Variants in CCDC192 observed in about 807,000 individuals in gnomAD.
The protein encoded by CCDC192 is coiled-coil domain containing 192, also known as coiled-coil domain-containing protein 192.
chr5:127,786,959 G>T, intron 3 of CCDC192: 1 of 389,542 alleles, frequency 2.6e-6, no homozygotes, highest in Non-Finnish European at 5.0e-6. Flanking sequence ...ACACCTGCTG[G>T]ATGGTGGCTC....
intron 6 of CCDC192, among the ~76,000 whole-genome samples, chr5:127,891,208 G>A (rs1752721657): frequency 2.8e-5 from 4 of 144,450 alleles, no homozygotes; most frequent in Admixed American, 1.4e-4. Context: ...GCCTGCCACC[G>A]CTCCTGGCTA....
chr5:127,734,217 A>G (rs1042718073), intron 2 of CCDC192, among the ~76,000 whole-genome samples: 3 of 151,294 alleles, frequency 2.0e-5, no homozygotes, highest in African/African-American at 7.3e-5. Context: ...GAGAATGATG[A>G]TTTCCAATTT....
chr5:127,752,869 C>G (rs1350390376), intron 2 of CCDC192, among the ~76,000 whole-genome samples: 1 of 152,126 alleles, frequency 6.6e-6, no homozygotes, highest in Non-Finnish European at 1.5e-5. Flanking sequence ...GGGAGTGACC[C>G]GATTTTCCAG....
At chr5:127,798,362 A>G (rs1757291873) in intron 5 of CCDC192, among the ~76,000 whole-genome samples, 200 bp downstream of exon 5, 1 of 152,148 alleles carries the variant, frequency 6.6e-6, no homozygotes, top group Non-Finnish European at 1.5e-5. Flanking sequence ...CAAAATTCCA[A>G]ACTGAGCTCT....
chr5:127,937,696 G>C (rs952976934), intron 6 of CCDC192, among the ~76,000 whole-genome samples: 3 of 152,192 alleles, frequency 2.0e-5, no homozygotes, highest in Non-Finnish European at 4.4e-5. Flanking sequence ...CCTTCTCCCT[G>C]TAATACTCTC....
intron 5 of CCDC192, among the ~76,000 whole-genome samples, chr5:127,870,557 T>A (rs1000321801): frequency 1.3e-5 from 2 of 152,220 alleles, no homozygotes; most frequent in African/African-American, 4.8e-5. Flanking sequence ...CCAGCTGAAC[T>A]CTGGCAGCTC....
intron 5 of CCDC192, among the ~76,000 whole-genome samples, chr5:127,858,923 C>T (rs1270130679): frequency 7.4e-6 from 1 of 134,880 alleles, no homozygotes; most frequent in African/African-American, 2.7e-5. Flanking sequence ...TTATTTGACA[C>T]TTTTGTGTGC....
chr5:127,904,983 C>A (rs1753157023), intron 6 of CCDC192, among the ~76,000 whole-genome samples: 1 of 151,898 alleles, frequency 6.6e-6, no homozygotes, highest in African/African-American at 2.4e-5. Flanking sequence ...TTGTTCTTTC[C>A]CCACCTGGGC....
chr5:127,842,977 GT>G lies in CCDC192; in HGVS notation c.412-32560del, dbSNP rs1289631453. ...TTGGAGTTTCATGGCATCTGTGATAGTGTACACTTTCTGCTTCATCACCTTA... is the reference window on the plus strand; with the variant it reads ...TTGGAGTTTCATGGCATCTGTGATAGGTACACTTTCTGCTTCATCACCTTA... On this transcript the variant is annotated intron_variant, in intron 5 of 6. Coordinates refer to ENST00000514853, the MANE Select transcript of CCDC192 (RefSeq NM_001317938.2). Among the ~76,000 whole-genome samples, 10 of 151,058 alleles carry G rather than the reference GT, an allele frequency of 6.6e-5. 1 individual carries two copies. The highest frequency in any genetic ancestry group is 6.6e-4 in the Admixed American group (10 of 15,186).
At chr5:127,709,611 T>C (rs1014573757) in intron 2 of CCDC192, among the ~76,000 whole-genome samples, 4 of 152,224 alleles carry the variant, frequency 2.6e-5, no homozygotes, top group Non-Finnish European at 4.4e-5. Flanking sequence ...AAATTTATAA[T>C]AATTTTCAGA....
chr5:127,880,579 G>A (rs1752311041), intron 6 of CCDC192, among the ~76,000 whole-genome samples: 1 of 150,998 alleles, frequency 6.6e-6, no homozygotes, highest in South Asian at 2.1e-4. Flanking sequence ...ATGTGCACAT[G>A]TACCCTAAAA....
At chr5:127,868,177 C>T (rs907033901) in intron 5 of CCDC192, among the ~76,000 whole-genome samples, 15 of 151,916 alleles carry the variant, frequency 9.9e-5, no homozygotes, top group African/African-American at 2.9e-4. Flanking sequence ...CAAAAAGTCC[C>T]GCTACTTCTG....
intron 6 of CCDC192, among the ~76,000 whole-genome samples, chr5:127,904,130 C>T (rs953866338): frequency 1.3e-5 from 2 of 152,108 alleles, no homozygotes; most frequent in African/African-American, 4.8e-5. Flanking sequence ...CAGAGAGATG[C>T]AGCATTACTG....
At chr5:127,894,569 T>TCC (rs1752827431) in intron 6 of CCDC192, among the ~76,000 whole-genome samples, 7 of 152,160 alleles carry the variant, frequency 4.6e-5, no homozygotes, top group Admixed American at 4.6e-4. Context: ...ACAATGTAAG[T>TCC]TTCCACAGCT....
At chr5:127,721,993 A>G (rs1214793977) in intron 2 of CCDC192, among the ~76,000 whole-genome samples, 3 of 152,194 alleles carry the variant, frequency 2.0e-5, no homozygotes, top group Non-Finnish European at 2.9e-5. Flanking sequence ...TTACAATTCA[A>G]CATGAGATTT....
intron 3 of CCDC192, among the ~76,000 whole-genome samples, chr5:127,796,543 A>G (rs1757176825): frequency 6.6e-6 from 1 of 152,204 alleles, no homozygotes; most frequent in Non-Finnish European, 1.5e-5. Context: ...AGTCAAACAA[A>G]AACAAAGTCA....
Position 127,872,629 on chromosome 5 carries a change from A to G in CCDC192, c.412-2909A>G, listed in dbSNP as rs567862773. On this transcript the variant is annotated intron_variant, in intron 5 of 6. Coordinates refer to ENST00000514853, the MANE Select transcript of CCDC192 (RefSeq NM_001317938.2). ...TTTCCCAGAGCAGGAGGTCTTTGCC[A>G]GGATGCATCCTATCCTGTTCTGGAT... is the stretch of plus-strand genomic sequence containing the variant. Among the ~76,000 whole-genome samples the G allele has an allele frequency of 9.2e-5, 14 of 152,318 alleles. No individual in the cohort carries two copies. In the South Asian group the frequency reaches 2.9e-3, roughly 32 times the overall value.
At chr5:127,878,668 G>A (rs552417239) in intron 6 of CCDC192, among the ~76,000 whole-genome samples, 568 of 152,260 alleles carry the variant, frequency 3.7e-3, no homozygotes, top group Non-Finnish European at 6.0e-3. Context: ...AAAATAAAAT[G>A]AAATTGCCTT....
chr5:127,823,490 A>G (rs1456044757), intron 5 of CCDC192, among the ~76,000 whole-genome samples: 1 of 152,172 alleles, frequency 6.6e-6, no homozygotes, highest in Non-Finnish European at 1.5e-5. Context: ...TCAATTTCCC[A>G]CACTGAAGAC....
Sources: gnomAD v4.1 joint callset for allele counts (sites outside exome capture counted in the v4.1 genomes callset) on GRCh38, gnomAD v4.1.1 for gene constraint, MANE v1.5 for transcripts, NCBI Gene and HGNC (gene_info 2026-07-23, HGNC 2026-07-21) for gene names.